The following NINJ2 variants were observed in gnomAD, a reference collection of about 807,000 sequenced individuals.
NINJ2 encodes the protein ninjurin 2.
Under a neutral mutation model 11.7 loss-of-function variants are expected in NINJ2, and 12 were observed. The ratio of observed to expected loss-of-function variants is 1.02; its 90% CI spans 0.66 to 1.66. The LOEUF (loss-of-function observed/expected upper bound fraction) is 1.66. Among genes scored for constraint, NINJ2 ranks in the 40% most tolerant of loss-of-function variants. NINJ2 has a pLI of 0.00. For missense variants in NINJ2, 187 were observed against 181.8 expected, an observed-to-expected ratio of 1.03 and a Z score of -0.16; for synonymous variants, 93 against 76.8, an observed-to-expected ratio of 1.21 and a Z score of -1.10.
At chr12:634,380 C>A (rs1420948259) in intron 1 of NINJ2, among the ~76,000 whole-genome samples, 2 of 150,842 alleles carry the variant, frequency 1.3e-5, no homozygotes, top group Non-Finnish European at 3.0e-5. Flanking sequence ...CTGCCTCAGC[C>A]CCCCTAGTAG....
At chr12:635,890 C>A (rs999764618) in intron 1 of NINJ2, among the ~76,000 whole-genome samples, 2 of 152,062 alleles carry the variant, frequency 1.3e-5, no homozygotes, top group Non-Finnish European at 2.9e-5. Context: ...GCCTGGCCAA[C>A]ATGGTAAAAC....
chr12:616,832 A>G (rs899196694), intron 1 of NINJ2, among the ~76,000 whole-genome samples: 2 of 152,204 alleles, frequency 1.3e-5, no homozygotes, highest in Non-Finnish European at 2.9e-5. Flanking sequence ...AGTTGAACCA[A>G]TGAAGGATCA....
intron 2 of NINJ2, chr12:565,740 C>T: frequency 1.5e-6 from 1 of 653,140 alleles, no homozygotes; most frequent in Admixed American, 2.2e-5. Context: ...AGGGTCTGCT[C>T]CATGGGATAC....
At chr12:592,076 A>T (rs547317749) in intron 1 of NINJ2, among the ~76,000 whole-genome samples, 6 of 152,004 alleles carry the variant, frequency 3.9e-5, no homozygotes, top group Non-Finnish European at 7.4e-5. Flanking sequence ...TCTGTGACAG[A>T]TGAAAAATAG....
Position 636,964 on chromosome 12 carries a change from C to T in NINJ2, c.33+26364G>A, listed in dbSNP as rs117806867. On this transcript the variant is annotated intron_variant, in intron 1 of 3. Transcript: ENST00000305108. Reference sequence around the variant, plus strand: ...AATGTTAATGGCAGCATGTTCACAACGGCGAAAAGAAACAAGCCAGTGTCC... The same window carrying T: ...AATGTTAATGGCAGCATGTTCACAATGGCGAAAAGAAACAAGCCAGTGTCC... Among the ~76,000 whole-genome samples the T allele has an allele frequency of 1.8e-3, 280 of 152,274 alleles. 7 individuals are homozygous for T. The East Asian group carries it at 0.046, about 25-fold the overall frequency.
At chr12:600,698 GTT>G (rs1036201504) in intron 1 of NINJ2, among the ~76,000 whole-genome samples, 2 of 119,456 alleles carry the variant, frequency 1.7e-5, no homozygotes, top group African/African-American at 6.3e-5. Flanking sequence ...GTGTGTGTGT[GTT>G]TTGAGACAGT....
At chr12:632,585 T>G (rs2120438242) in intron 1 of NINJ2, 1 of 152,344 alleles carries the variant, frequency 6.6e-6, no homozygotes, top group South Asian at 2.1e-4. Flanking sequence ...TGTCTGGGAC[T>G]GAGCAGCTTG....
At chr12:645,008 T>C (rs1190531546) in intron 1 of NINJ2, 3 of 152,120 alleles carry the variant, frequency 2.0e-5, no homozygotes, top group Non-Finnish European at 4.4e-5. Flanking sequence ...AGAGACCAGA[T>C]AGGCAGTTAC....
intron 1 of NINJ2, among the ~76,000 whole-genome samples, chr12:572,433 G>A (rs950130234): frequency 3.3e-5 from 5 of 152,370 alleles, no homozygotes; most frequent in African/African-American, 4.8e-5. Context: ...GGACAGTGGC[G>A]ACCTAGGCTT....
intron 1 of NINJ2, among the ~76,000 whole-genome samples, chr12:657,361 G>A (rs1235584274): frequency 3.3e-5 from 5 of 152,074 alleles, no homozygotes; most frequent in African/African-American, 9.7e-5. Flanking sequence ...AGGCTGAGGC[G>A]GGTGGATCAC....
chr12:588,158 G>GGGAACGTAC (rs150686735), intron 1 of NINJ2, among the ~76,000 whole-genome samples: 19 of 140,926 alleles, frequency 1.3e-4, no homozygotes, highest in South Asian at 8.9e-4. Flanking sequence ...GCGGAAGGAA[G>GGGAACGTAC]GGAAGGGACG....
At chr12:658,710 GCTATGCTATGCTATGCTAA>G (rs1937911108) in intron 1 of NINJ2, among the ~76,000 whole-genome samples, 3 of 146,416 alleles carry the variant, frequency 2.0e-5, no homozygotes, top group Admixed American at 6.9e-5. Context: ...GCTATGCTAT[GCTATGCTATGCTATGCTAA>G]TGCTATGCTA....
intron 1 of NINJ2, among the ~76,000 whole-genome samples, chr12:608,672 C>T (rs1947971310): frequency 6.6e-6 from 1 of 152,170 alleles, no homozygotes; most frequent in South Asian, 2.1e-4. Flanking sequence ...GCTAGCTAAT[C>T]CCATCTCAGC....
chr12:618,346 T>G, intron 1 of NINJ2, among the ~76,000 whole-genome samples: 1 of 12,938 alleles, frequency 7.7e-5, no homozygotes, highest in Non-Finnish European at 1.5e-4. Flanking sequence ...GGTAATAAGG[T>G]GGGGGTGAGG....
chr12:575,939 G>T (rs1947451460), intron 1 of NINJ2, among the ~76,000 whole-genome samples: 1 of 152,192 alleles, frequency 6.6e-6, no homozygotes, highest in African/African-American at 2.4e-5. Context: ...GGGGCTGGAA[G>T]CTGCAGCTGG....
At chr12:604,400 G>A (rs185313459) in intron 1 of NINJ2, among the ~76,000 whole-genome samples, 6,802 of 152,258 alleles carry the variant, frequency 0.045, 477 homozygotes, top group African/African-American at 0.15. Flanking sequence ...CACTTTGGGA[G>A]GCTGAGGCGG....
chr12:647,526 C>T (rs1937706321), intron 1 of NINJ2, among the ~76,000 whole-genome samples: 1 of 150,962 alleles, frequency 6.6e-6, no homozygotes, highest in Admixed American at 6.6e-5. Flanking sequence ...TGACTGGCAG[C>T]TCCTCCTCCC....
At position 640,266 on chromosome 12, in the gene NINJ2, A is replaced by G. The variant is rs898859062; in HGVS notation, c.33+23062T>C. 3.3e-5 allele frequency among the ~76,000 whole-genome samples: 5 copies of G among 152,230 alleles called. 1 individual carries two copies. Among genetic ancestry groups the G allele is most frequent in the African/African-American group, 1.2e-4 (5 of 41,450 alleles). ...AATATCTTGGCATCTTAGAATCAGA[A>G]GTTTCCAAACTTGGAGGCAGTTTAA... On this transcript the variant is annotated intron_variant, in intron 1 of 3. Transcript: ENST00000305108. This position sits in a 1 kb window ranked among gnomAD's most constrained non-coding sequence, Gnocchi z 4.0.
intron 1 of NINJ2, among the ~76,000 whole-genome samples, chr12:647,754 T>C (rs766931401): frequency 6.6e-6 from 1 of 152,172 alleles, no homozygotes; most frequent in Non-Finnish European, 1.5e-5. Flanking sequence ...AAAATACAGA[T>C]TGCAGAAACC....
Sources: allele counts gnomAD v4.1 joint callset (sites outside exome capture counted in the v4.1 genomes callset), GRCh38; gene constraint gnomAD v4.1.1; non-coding constraint Gnocchi (gnomAD v3.1); transcripts MANE v1.5; gene names NCBI Gene and HGNC (gene_info 2026-07-23, HGNC 2026-07-21).